Variants in PCDHGA5 observed in about 807,000 individuals in gnomAD.
PCDHGA5 encodes the protein protocadherin gamma subfamily A, 5, also known as protocadherin gamma-A5.
PCDHGA5 carries 36 observed loss-of-function variants against 56.7 expected under a neutral mutation model. The observed-to-expected ratio is 0.64, with a 90% CI of 0.49 to 0.84. PCDHGA5 has a LOEUF of 0.84. PCDHGA5 is among the 40% of genes least tolerant of loss of function. The pLI, the probability that PCDHGA5 is intolerant of heterozygous loss-of-function variation, is 0.00. For synonymous variants in PCDHGA5, 563 were observed against 520.2 expected, an observed-to-expected ratio of 1.08 and a Z score of -1.12; for missense variants, 1,305 against 1,201.5, an observed-to-expected ratio of 1.09 and a Z score of -1.27.
Position 141,384,133 on chromosome 5 carries a change from C to G in PCDHGA5, c.2421+17382C>G, listed in dbSNP as rs770731491. The G allele has an allele frequency of 1.7e-5, 27 of 1,611,570 alleles. No homozygotes were observed. The highest frequency in any genetic ancestry group is 2.2e-5 in the Non-Finnish European group (26 of 1,178,832). ...ATTGGTCACAACCAAAAACTTGGACCGGGAAACACTCTCTTTGTATAACAT... is the reference window on the plus strand; with the variant it reads ...ATTGGTCACAACCAAAAACTTGGACGGGGAAACACTCTCTTTGTATAACAT... On this transcript the variant is annotated intron_variant, in intron 1 of 3. Coordinates refer to ENST00000518069, the MANE Select transcript of PCDHGA5 (RefSeq NM_018918.3).
chr5:141,441,364 CGT>C (rs1283671958), intron 1 of PCDHGA5: 1 of 152,528 alleles, frequency 6.6e-6, no homozygotes, highest in African/African-American at 2.4e-5. Context: ...CAAATGGGGC[CGT>C]GGACCAGGAA....
intron 1 of PCDHGA5, chr5:141,413,663 AT>A (rs1344545568): frequency 6.2e-7 from 1 of 1,613,844 alleles, no homozygotes; most frequent in African/African-American, 1.3e-5. Flanking sequence ...GAAGCTATTG[AT>A]CCGGATGTGG....
At chr5:141,500,012 A>G (rs2099795840) in intron 2 of PCDHGA5, among the ~76,000 whole-genome samples, 1 of 151,622 alleles carries the variant, frequency 6.6e-6, no homozygotes, top group Non-Finnish European at 1.5e-5. Flanking sequence ...TAAGGTCCAC[A>G]TTTTATATTT....
chr5:141,389,924 T>A (rs749120978), intron 1 of PCDHGA5: 13 of 1,614,062 alleles, frequency 8.1e-6, no homozygotes, highest in Non-Finnish European at 1.0e-5. Flanking sequence ...CCGACCCCTC[T>A]GACCTCCAGG....
chr5:141,371,978 C>T, intron 1 of PCDHGA5: 3 of 1,613,240 alleles, frequency 1.9e-6, no homozygotes, highest in Non-Finnish European at 2.5e-6. Context: ...TGCGTGCCTT[C>T]GAGCTCACTC....
rs753872725 is a variant in PCDHGA5, at chr5:141,423,153, C to T, written c.2421+56402C>T. ...TGGACAGAGACGCGCTCAAGCAGAG[C>T]CTCGTGGTGGCCGTCCAGGACCACG... On this transcript the variant is annotated intron_variant, in intron 1 of 3. Transcript: ENST00000518069. The T allele has an allele frequency of 3.7e-6, 6 of 1,613,482 alleles. No homozygotes were observed. The East Asian group carries it at 8.9e-5, about 24-fold the overall frequency.
At position 141,485,073 on chromosome 5, in the gene PCDHGA5, C is replaced by T. The variant is rs1167407526; in HGVS notation, c.2422-9734C>T. ...CGGCCGAACCGCGCCAGAGCTGGCG[C>T]GGGGAAAGGGAGATAGGTGTCTCCA... On this transcript the variant is annotated intron_variant, in intron 1 of 3. Transcript: ENST00000518069. The surrounding 1 kb of genome is among the most constrained non-coding windows in gnomAD (Gnocchi z 5.7). 3.3e-6 allele frequency: 3 copies of T among 922,354 alleles called. No homozygotes were observed. The highest frequency in any genetic ancestry group is 4.8e-5 in the East Asian group (2 of 41,404). 57.1% of individuals were successfully genotyped at this position (922,354 alleles called of 1,614,324 possible).
chr5:141,368,767 T>G (rs1195016367), intron 1 of PCDHGA5, among the ~76,000 whole-genome samples: 1 of 152,172 alleles, frequency 6.6e-6, no homozygotes, highest in East Asian at 1.9e-4. Context: ...ATCTTTAGTT[T>G]TATATGTGTT....
chr5:141,405,187 GGTTCGAGCTT>G (rs2094622612), intron 1 of PCDHGA5: 1 of 1,613,360 alleles, frequency 6.2e-7, no homozygotes, highest in African/African-American at 1.3e-5. Context: ...GTGTAGATGG[GGTTCGAGCTT>G]TCCTACAGAC....
intron 1 of PCDHGA5, chr5:141,389,363 C>T (rs776814041): frequency 1.2e-6 from 2 of 1,613,868 alleles, no homozygotes; most frequent in South Asian, 2.2e-5. Flanking sequence ...TGGCCAGTGA[C>T]CTGGAGCAGC....
rs549557253 is a variant in PCDHGA5 at position 141,503,310 on chromosome 5, T to C, written c.2481-2083T>C. 2.6e-5 allele frequency among the ~76,000 whole-genome samples: 4 copies of C among 152,176 alleles called. No homozygotes were observed. The East Asian group carries it at 7.7e-4, about 29-fold the overall frequency. On this transcript the variant is annotated intron_variant, in intron 2 of 3. Coordinates refer to ENST00000518069, the MANE Select transcript of PCDHGA5 (RefSeq NM_018918.3). ...TACATAGAAATTGCTCAAGAAAGAA[T>C]TGTTGGAGGGGCGCGGTGGCTCACG...
intron 1 of PCDHGA5, chr5:141,430,838 G>A (rs866767896): frequency 2.6e-6 from 4 of 1,562,908 alleles, no homozygotes; most frequent in Non-Finnish European, 3.5e-6. Context: ...GTGGGAGACC[G>A]GATGCACCCA....
chr5:141,489,900 A>G lies in PCDHGA5; in HGVS notation c.2422-4907A>G, dbSNP rs963522810. The stretch of plus-strand genomic sequence containing the variant: ...TTACTGCTGTGGATGGGGGGACCCC[A>G]GCCCGCTCAGGGACCACCCTTATCT... On this transcript the variant is annotated intron_variant, in intron 1 of 3. Transcript: ENST00000518069. The surrounding 1 kb of genome is among the most constrained non-coding windows in gnomAD (Gnocchi z 4.5). The G allele has an allele frequency of 1.9e-6, 3 of 1,614,254 alleles. No homozygotes were observed. The highest frequency in any genetic ancestry group is 1.7e-5 in the Admixed American group (1 of 60,026).
rs754268147 is a variant in PCDHGA5, at chr5:141,410,352, G to C, written c.2421+43601G>C. ...CTGGCCATTGCCTTGCGCCTGCGAC[G>C]CTCTCTCAGCCCTGCTACTTGGGAC... On this transcript the variant is annotated intron_variant, in intron 1 of 3. Coordinates refer to ENST00000518069, the MANE Select transcript of PCDHGA5 (RefSeq NM_018918.3). The C allele has an allele frequency of 6.2e-6, 10 of 1,614,022 alleles. No homozygotes were observed. In the South Asian group the frequency reaches 1.1e-4, roughly 18 times the overall value.
intron 2 of PCDHGA5, among the ~76,000 whole-genome samples, chr5:141,502,705 T>C (rs1475675789): frequency 6.6e-6 from 1 of 152,248 alleles, no homozygotes; most frequent in African/African-American, 2.4e-5. Context: ...TATCTGTTTT[T>C]ACATCAGTGA....
Position 141,491,699 on chromosome 5 carries a change from A to G in PCDHGA5, c.2422-3108A>G. The G allele has an allele frequency of 6.2e-7, 1 of 1,612,008 alleles. No individual in the cohort carries two copies. The highest frequency in any genetic ancestry group is 1.1e-5 in the South Asian group (1 of 90,926). ...TCTAATACGCTGCGGGAGCGGAGCC[A>G]GGTGAGGGGCTCGGCGCCGCCCCGG... On this transcript the variant is annotated intron_variant, in intron 1 of 3. Transcript: ENST00000518069. The surrounding 1 kb of genome is among the most constrained non-coding windows in gnomAD (Gnocchi z 6.9).
At chr5:141,505,532 G>A in intron 3 of PCDHGA5, 51 bp downstream of exon 3, 2 of 1,611,270 alleles carry the variant, frequency 1.2e-6, no homozygotes, top group Non-Finnish European at 1.7e-6. Context: ...GGGGTTCTGG[G>A]GTGCATCTCA....
intron 1 of PCDHGA5, chr5:141,423,320 T>C: frequency 6.2e-7 from 1 of 1,614,148 alleles, no homozygotes; most frequent in Non-Finnish European, 8.5e-7. Flanking sequence ...GTGGTGGCGG[T>C]GGCCGCAGTC....
At chr5:141,429,523 A>G (rs1009016050) in intron 1 of PCDHGA5, among the ~76,000 whole-genome samples, 1 of 152,174 alleles carries the variant, frequency 6.6e-6, no homozygotes, top group Non-Finnish European at 1.5e-5. Context: ...CAGAGAAAAA[A>G]GCTTAAAAAA....
Sources: gnomAD v4.1 joint callset for allele counts (sites outside exome capture counted in the v4.1 genomes callset) on GRCh38, gnomAD v4.1.1 for gene constraint, Gnocchi (gnomAD v3.1) non-coding constraint, MANE v1.5 for transcripts, NCBI Gene and HGNC (gene_info 2026-07-23, HGNC 2026-07-21) for gene names.